The following ACADVL variants were observed in gnomAD, a reference collection of about 807,000 sequenced individuals.
ACADVL encodes acyl-CoA dehydrogenase very long chain, also known as very long-chain acyl-CoA dehydrogenase, mitochondrial.
Under a neutral mutation model 80.4 loss-of-function variants are expected in ACADVL, and 73 were observed. That is an observed-to-expected ratio of 0.91 (90% CI 0.75 to 1.10). ACADVL has a LOEUF of 1.10. Among genes scored for constraint, ACADVL ranks in the 50% least tolerant of loss-of-function variants. The pLI is 0.00. For missense variants in ACADVL, 878 were observed against 858.9 expected (o/e 1.02, Z -0.28); for synonymous variants, 392 against 326.5 (o/e 1.20, Z -2.16).
At position 7,223,817 on chromosome 17, in the gene ACADVL, C is replaced by T; in HGVS notation, c.1274C>T (p.Ala425Val). The change falls in exon 13 of 20, where the codon GCA becomes GTA. Residue 425 changes from alanine to valine, a missense_variant. Coordinates refer to ENST00000356839, the MANE Select transcript of ACADVL (RefSeq NM_000018.4). ...TCATCTGTTCTTTGTCCCTAGGAGG[C>T]AGCCTGGAAGGTGACAGATGAATGC... ...AAISKIFGSE[A>V]AWKVTDECIQ... is the part of the protein sequence containing the mutation. 6.2e-7 allele frequency: 1 copy of T among 1,614,124 alleles called. No individual in the cohort carries two copies. Among genetic ancestry groups the T allele is most frequent in the Non-Finnish European group, 8.5e-7 (1 of 1,180,028 alleles).
chr17:7,221,934 T>C lies in ACADVL; in HGVS notation c.623-18T>C, dbSNP rs777866869. 40 of 1,613,846 alleles carry C rather than the reference T, an allele frequency of 2.5e-5. No homozygotes were observed. The highest frequency in any genetic ancestry group is 3.3e-5 in the Non-Finnish European group (39 of 1,179,988). ...AAGCTCATCAGAACTTGGGGTAAAG[T>C]AGCTCTCTCCCCAACAGGGGAGACT... is the stretch of plus-strand genomic sequence containing the variant. On this transcript the variant is annotated intron_variant, in intron 7 of 19. Coordinates refer to ENST00000356839, the MANE Select transcript of ACADVL (RefSeq NM_000018.4).
intron 10 of ACADVL, 56 bp from the exon 11 acceptor site, chr17:7,223,076 CT>C (rs761849153): frequency 4.9e-5 from 76 of 1,550,310 alleles, no homozygotes; most frequent in Non-Finnish European, 6.8e-5. Flanking sequence ...AGCCCCTCTC[CT>C]AGGGAGACTG....
chr17:7,224,857 A>T lies in ACADVL; in HGVS notation c.1800A>T (p.Lys600Asn), dbSNP rs2071403522. The change falls in exon 19 of 20, where the codon AAA becomes AAT. Residue 600 changes from lysine (K) to asparagine (N), a missense_variant. Coordinates refer to ENST00000356839, the MANE Select transcript of ACADVL (RefSeq NM_000018.4). Reference sequence around the variant, plus strand: ...GCCACCCCACGGCCCAGCATGAGAAAATGCTCTGTGACACCTGGTGTATCG... The same window carrying T: ...GCCACCCCACGGCCCAGCATGAGAATATGCTCTGTGACACCTGGTGTATCG... ...SEGHPTAQHE[K>N]MLCDTWCIEA... 1 of 1,613,992 alleles carries T rather than the reference A, an allele frequency of 6.2e-7. No homozygotes were observed.
At chr17:7,219,586 C>A, upstream of ACADVL, 2 of 1,136,500 alleles carry the variant, frequency 1.8e-6, no homozygotes, top group Non-Finnish European at 2.2e-6. Context: ...CCTCTGCCAT[C>A]TACCTTACAC....
In ACADVL at chr17:7,225,012, A is replaced by C. The variant is rs2071411662; in HGVS notation, c.1883A>C (p.Gln628Pro). 1.2e-6 allele frequency: 2 copies of C among 1,613,986 alleles called. No homozygotes were observed. The highest frequency in any genetic ancestry group is 1.7e-6 in the Non-Finnish European group (2 of 1,180,048). Residue 628 changes from glutamine (Q) to proline (P), a missense_variant, in exon 20 of 20, where the codon CAA becomes CCA. Coordinates refer to ENST00000356839, the MANE Select transcript of ACADVL (RefSeq NM_000018.4). Reference protein sequence around the residue: ...MAALQSDPWQQELYRNFKSIS... With the variant: ...MAALQSDPWQPELYRNFKSIS... ...GCCCTGCAGTCTGACCCCTGGCAGC[A>C]AGAGCTCTACCGCAACTTCAAAAGC...
upstream of ACADVL, chr17:7,218,419 C>CA (rs1333540098): frequency 5.1e-6 from 7 of 1,375,192 alleles, no homozygotes; most frequent in African/African-American, 8.6e-5. Flanking sequence ...TGGAGGACAC[C>CA]ATAGGCAGGA....
intron 7 of ACADVL, 29 bp downstream of exon 7, chr17:7,221,711 TGGG>T: frequency 6.2e-7 from 1 of 1,613,210 alleles, no homozygotes. Flanking sequence ...AGCCAGGGAT[TGGG>T]GGGCACACTG....
In ACADVL at chr17:7,224,731, G is replaced by C; in HGVS notation, c.1751+17G>C. On this transcript the variant is annotated intron_variant, in intron 18 of 19. Transcript: ENST00000356839. Reference sequence around the variant, plus strand: ...TCTCTCGAGGTGAGGAGGCAGGCAGGGAATGCCTGAGCCGCAGGGGGCCTG... The same window carrying C: ...TCTCTCGAGGTGAGGAGGCAGGCAGCGAATGCCTGAGCCGCAGGGGGCCTG... 6.2e-7 allele frequency: 1 copy of C among 1,609,182 alleles called. No homozygotes were observed. The highest frequency in any genetic ancestry group is 1.7e-4 in the Middle Eastern group (1 of 5,978).
upstream of ACADVL, chr17:7,217,153 G>C (rs1044810173): frequency 3.9e-6 from 5 of 1,290,808 alleles, no homozygotes; most frequent in Non-Finnish European, 3.9e-6. Context: ...TCCATGTTGG[G>C]GGGCCTGGCC....
chr17:7,218,355 TGCTG>T, upstream of ACADVL: 1 of 1,520,072 alleles, frequency 6.6e-7, no homozygotes, highest in Non-Finnish European at 9.0e-7. Context: ...TCATCACCGC[TGCTG>T]GCTGGCTGGC....
chr17:7,221,483 AAGGTC>A (rs2071219473), intron 6 of ACADVL, 50 bp from the exon 7 acceptor site: 1 of 1,612,796 alleles, frequency 6.2e-7, no homozygotes, highest in African/African-American at 1.3e-5. Flanking sequence ...CTCTCCTGTT[AAGGTC>A]AGGTCCCCCT....
upstream of ACADVL, chr17:7,217,923 G>A (rs2071010203): frequency 8.1e-6 from 9 of 1,112,212 alleles, no homozygotes; most frequent in Admixed American, 2.1e-5. Context: ...GTAGGGGGTC[G>A]GGTGTGAGGG....
At chr17:7,223,409 A>C (rs1195256977) in intron 11 of ACADVL, 172 bp downstream of exon 11, 1 of 812,564 alleles carries the variant, frequency 1.2e-6, no homozygotes, top group African/African-American at 1.7e-5. Context: ...GACAGCAATG[A>C]TGTTCTGCTC....
intron 9 of ACADVL, 173 bp from the exon 10 acceptor site, chr17:7,222,494 G>GTA: frequency 8.7e-7 from 1 of 1,146,744 alleles, no homozygotes; most frequent in Non-Finnish European, 1.2e-6. Context: ...ACACAAAATA[G>GTA]GACATAGCCA....
Position 7,223,250 on chromosome 17 carries a change from C to G in ACADVL, c.1182+13C>G, listed in dbSNP as rs1274648836. ...GTATGTAACTGAGGTGAGGGCCTCC[C>G]AAGCCCCTCTCCCTGGAGCCCTGGG... is the stretch of plus-strand genomic sequence containing the variant. On this transcript the variant is annotated intron_variant, in intron 11 of 19. Coordinates refer to ENST00000356839, the MANE Select transcript of ACADVL (RefSeq NM_000018.4). 6.2e-7 allele frequency: 1 copy of G among 1,601,660 alleles called. No homozygotes were observed. Among genetic ancestry groups the G allele is most frequent in the South Asian group, 1.1e-5 (1 of 90,842 alleles).
At position 7,220,452 on chromosome 17, in the gene ACADVL, C is replaced by G. The variant is rs780688207; in HGVS notation, c.139-12C>G. 2 of 1,614,102 alleles carry G rather than the reference C, an allele frequency of 1.2e-6. No individual in the cohort carries two copies. Reference sequence around the variant, plus strand: ...TCCCTTCCCTGAACTTGCTAACCGTCTCTTTTCCCAGCTGGCTCTGGACAA... The same window carrying G: ...TCCCTTCCCTGAACTTGCTAACCGTGTCTTTTCCCAGCTGGCTCTGGACAA... On this transcript the variant is annotated splice_polypyrimidine_tract_variant and intron_variant, in intron 2 of 19. Coordinates refer to ENST00000356839, the MANE Select transcript of ACADVL (RefSeq NM_000018.4).
At chr17:7,220,398 C>T (rs1029039003) in intron 2 of ACADVL, 66 bp from the exon 3 acceptor site, 9 of 1,607,244 alleles carry the variant, frequency 5.6e-6, no homozygotes, top group Non-Finnish European at 7.7e-6. Flanking sequence ...GCGCGGCTCT[C>T]GCCTGTTCTC....
rs763705808 is a variant in ACADVL at position 7,225,103 on chromosome 17, C to T, written c.*6C>T. ...GCAACCCACTTGGCTTCTGAATACT[C>T]CCGGCCAGGGCCTGTCCCAGTTATG... On this transcript the variant is annotated 3_prime_UTR_variant, in exon 20 of 20. Transcript: ENST00000356839. 6 of 1,613,552 alleles carry T rather than the reference C, an allele frequency of 3.7e-6. No individual in the cohort carries two copies. The South Asian group carries it at 4.4e-5, about 12-fold the overall frequency.
chr17:7,219,747 C>T (rs2071090522), upstream of ACADVL: 1 of 1,452,408 alleles, frequency 6.9e-7, no homozygotes, highest in Admixed American at 2.4e-5. Context: ...CTAGGTCGGA[C>T]GGGCGGGATT....
Sources: allele counts gnomAD v4.1 joint callset, GRCh38; gene constraint gnomAD v4.1.1; transcripts MANE v1.5; gene names NCBI Gene and HGNC (gene_info 2026-07-23, HGNC 2026-07-21).